ABTB3: variants seen among roughly 807,000 people sequenced by gnomAD.
ABTB3 encodes the protein ankyrin repeat and BTB domain containing 3, also known as ankyrin repeat- and BTB/POZ domain-containing protein 3.
the ABTB3 span, among the ~76,000 whole-genome samples, chr12:107,548,392 T>C: frequency 6.6e-6 from 1 of 152,268 alleles, no homozygotes; most frequent in African/African-American, 2.4e-5. Context: ...GATTATTTTA[T>C]GCCTCAAACC....
chr12:107,346,402 A>G, the ABTB3 span, among the ~76,000 whole-genome samples: 1 of 152,204 alleles, frequency 6.6e-6, no homozygotes, highest in Non-Finnish European at 1.5e-5. Flanking sequence ...TCCTCTAGCT[A>G]TAGCTCTTCG....
chr12:107,575,127 G>A, the ABTB3 span, among the ~76,000 whole-genome samples: 10 of 152,076 alleles, frequency 6.6e-5, no homozygotes, highest in Non-Finnish European at 1.3e-4. Context: ...CACAAATATC[G>A]AAATTCCTTT....
the ABTB3 span, among the ~76,000 whole-genome samples, chr12:107,624,161 A>G: frequency 6.6e-6 from 1 of 150,602 alleles, no homozygotes; most frequent in African/African-American, 2.4e-5. Context: ...ACAACGAGAG[A>G]GGTTTTAGAT....
chr12:107,406,507 T>C, the ABTB3 span, among the ~76,000 whole-genome samples: 1 of 151,716 alleles, frequency 6.6e-6, no homozygotes, highest in Non-Finnish European at 1.5e-5. Context: ...GGACTCGGAG[T>C]CTGGTTGCTG....
chr12:107,580,853 T>C, the ABTB3 span: 3 of 1,546,606 alleles, frequency 1.9e-6, no homozygotes, highest in East Asian at 7.3e-5. Context: ...GGGATAATAT[T>C]CCCAGATCAG....
At chr12:107,324,828 T>C in the ABTB3 span, among the ~76,000 whole-genome samples, 1 of 152,206 alleles carries the variant, frequency 6.6e-6, no homozygotes, top group Non-Finnish European at 1.5e-5. Flanking sequence ...TATGGAATGA[T>C]GAAAAGGAAA....
the ABTB3 span, among the ~76,000 whole-genome samples, chr12:107,465,777 G>A: frequency 2.6e-5 from 4 of 152,104 alleles, no homozygotes; most frequent in African/African-American, 9.7e-5. Flanking sequence ...CACATTTCCA[G>A]GCCTAACATC....
chr12:107,360,217 G>A, the ABTB3 span, among the ~76,000 whole-genome samples: 1 of 152,180 alleles, frequency 6.6e-6, no homozygotes, highest in African/African-American at 2.4e-5. Context: ...CCCAGGGGAG[G>A]TGATAGCTGA....
chr12:107,595,813 T>C, the ABTB3 span, among the ~76,000 whole-genome samples: 1 of 152,146 alleles, frequency 6.6e-6, no homozygotes, highest in African/African-American at 2.4e-5. Flanking sequence ...AAGGATTAGA[T>C]AAGATCAAGT....
the ABTB3 span, among the ~76,000 whole-genome samples, chr12:107,473,834 C>T: frequency 6.7e-6 from 1 of 148,838 alleles, no homozygotes; most frequent in African/African-American, 2.5e-5. Flanking sequence ...CGGAGTCTTG[C>T]TCTGTTGCTC....
At chr12:107,341,992 G>A in the ABTB3 span, among the ~76,000 whole-genome samples, 3 of 152,152 alleles carry the variant, frequency 2.0e-5, no homozygotes, top group African/African-American at 7.2e-5. Context: ...TTCCTCTACA[G>A]CCTGCAGAAC....
the ABTB3 span, chr12:107,320,016 C>G: frequency 1.3e-6 from 2 of 1,568,330 alleles, no homozygotes; most frequent in Non-Finnish European, 1.7e-6. Context: ...AACAACGACT[C>G]GGAGATCTGG....
chr12:107,329,078 C>A, the ABTB3 span, among the ~76,000 whole-genome samples: 1 of 152,190 alleles, frequency 6.6e-6, no homozygotes, highest in Non-Finnish European at 1.5e-5. Context: ...CAGCTCCCCC[C>A]ATACCCTGCC....
chr12:107,379,824 A>G, the ABTB3 span, among the ~76,000 whole-genome samples: 2 of 152,228 alleles, frequency 1.3e-5, no homozygotes, highest in Admixed American at 6.5e-5. Flanking sequence ...ACAAGCTGCC[A>G]GGAAGCCTTA....
At chr12:107,453,181 G>A in the ABTB3 span, among the ~76,000 whole-genome samples, 2 of 152,198 alleles carry the variant, frequency 1.3e-5, no homozygotes, top group African/African-American at 4.8e-5. Context: ...AGTTGGGGGA[G>A]AGCAGCATAA....
chr12:107,337,355 C>G, the ABTB3 span, among the ~76,000 whole-genome samples: 1 of 152,198 alleles, frequency 6.6e-6, no homozygotes, highest in Non-Finnish European at 1.5e-5. Flanking sequence ...GGGATCTCAG[C>G]CCTCTGAATT....
the ABTB3 span, among the ~76,000 whole-genome samples, chr12:107,607,263 G>A: frequency 3.0e-4 from 45 of 152,312 alleles, no homozygotes; most frequent in Non-Finnish European, 5.6e-4. Flanking sequence ...AACCCTAGCT[G>A]TAGGAGAGCC....
At chr12:107,609,957 T>C in the ABTB3 span, 9 of 542,676 alleles carry the variant, frequency 1.7e-5, no homozygotes, top group Non-Finnish European at 2.6e-5. Flanking sequence ...TTAGTCGTTA[T>C]GTGACTTAGC....
the ABTB3 span, among the ~76,000 whole-genome samples, chr12:107,382,479 G>A: frequency 1.3e-5 from 2 of 152,150 alleles, no homozygotes; most frequent in Non-Finnish European, 2.9e-5. Flanking sequence ...TGGTGTATAG[G>A]AATGCTTGTG....
Sources: gnomAD v4.1 joint callset for allele counts (sites outside exome capture counted in the v4.1 genomes callset) on GRCh38, gnomAD v4.1.1 for gene constraint, MANE v1.5 for transcripts, NCBI Gene and HGNC (gene_info 2026-07-23, HGNC 2026-07-21) for gene names.